Variants in FHIT observed in about 807,000 individuals in gnomAD.
FHIT encodes the protein bis(5'-adenosyl)-triphosphatase.
FHIT carries 19 observed loss-of-function variants against 17.9 expected under a neutral mutation model. The observed-to-expected ratio is 1.06, with a 90% confidence interval of 0.74 to 1.56. The LOEUF is 1.56. FHIT is among the 40% of genes most tolerant of loss of function. The pLI is 0.00. For missense variants in FHIT, 248 were observed against 189.2 expected (o/e 1.31, Z -1.82); for synonymous variants, 81 against 69.7 (o/e 1.16, Z -0.81).
intron 2 of FHIT, among the ~76,000 whole-genome samples, chr3:61,116,345 G>T (rs141810236): frequency 3.9e-5 from 6 of 152,228 alleles, no homozygotes; most frequent in African/African-American, 1.4e-4. Context: ...AAGCAAAAAT[G>T]ATGTGCCACA....
chr3:59,971,803 T>C (rs1708197236), intron 7 of FHIT, among the ~76,000 whole-genome samples: 1 of 152,126 alleles, frequency 6.6e-6, no homozygotes, highest in Non-Finnish European at 1.5e-5. Context: ...GTCTATACTG[T>C]GGGCATTTCA....
intron 5 of FHIT, among the ~76,000 whole-genome samples, chr3:60,397,366 G>T (rs1363666531): frequency 1.3e-5 from 2 of 152,114 alleles, no homozygotes; most frequent in African/African-American, 4.8e-5. Flanking sequence ...GAAGAGATAG[G>T]AGGTTTGGGA....
chr3:60,271,217 T>C lies in FHIT; in HGVS notation c.104-257065A>G, dbSNP rs918928274. On this transcript the variant is annotated intron_variant, in intron 5 of 9. Transcript: ENST00000492590. ...GAGTTCAAGACCAGCCTGGTCAACA[T>C]GGTGAAACCCTGTCTCTCCAAAAAA... 3.3e-5 allele frequency among the ~76,000 whole-genome samples: 5 copies of C among 152,006 alleles called. No homozygotes were observed. The East Asian group carries it at 5.8e-4, about 18-fold the overall frequency.
chr3:59,929,151 T>C (rs1705828496), intron 7 of FHIT, among the ~76,000 whole-genome samples: 1 of 151,944 alleles, frequency 6.6e-6, no homozygotes, highest in South Asian at 2.1e-4. Context: ...ACAATAATGT[T>C]ACCATATGAC....
chr3:60,669,901 C>A lies in FHIT; in HGVS notation c.-17-132922G>T, dbSNP rs74498716. On this transcript the variant is annotated intron_variant, in intron 4 of 9. Transcript: ENST00000492590. ...AGGCAGGAAAACAATGGATGCCTGA[C>A]CTCCCATTTAACCATTGTAATCATG... Among the ~76,000 whole-genome samples, 106 of 152,334 alleles carry A rather than the reference C, an allele frequency of 7.0e-4. 2 individuals carry two copies. The East Asian group carries it at 0.016, about 23-fold the overall frequency.
intron 8 of FHIT, among the ~76,000 whole-genome samples, chr3:59,755,410 C>G (rs917869795): frequency 6.6e-6 from 1 of 152,170 alleles, no homozygotes; most frequent in African/African-American, 2.4e-5. Context: ...GTTCCATTTC[C>G]CTAAAGCAAC....
At chr3:60,303,949 A>G (rs1397881930) in intron 5 of FHIT, among the ~76,000 whole-genome samples, 1 of 152,134 alleles carries the variant, frequency 6.6e-6, no homozygotes, top group Non-Finnish European at 1.5e-5. Flanking sequence ...AGACACCCAC[A>G]ACATCATGAT....
intron 5 of FHIT, among the ~76,000 whole-genome samples, chr3:60,528,646 T>C (rs1332505654): frequency 6.6e-6 from 1 of 152,232 alleles, no homozygotes; most frequent in Non-Finnish European, 1.5e-5. Flanking sequence ...TGCTTGGTCT[T>C]AGGAATATAA....
rs367977878 is a variant in FHIT at position 60,139,314 on chromosome 3, A to G, written c.104-125162T>C. Among the ~76,000 whole-genome samples, 321 of 152,274 alleles carry G rather than the reference A, an allele frequency of 2.1e-3. 1 individual carries two copies. Among genetic ancestry groups the G allele is most frequent in the African/African-American group, 7.3e-3 (304 of 41,570 alleles). ...TTCCTAATTAAAGGGAGTGAGAACC[A>G]AAAAGGGGGCAAAGCCAAGTATATG... On this transcript the variant is annotated intron_variant, in intron 5 of 9. Transcript: ENST00000492590.
chr3:60,709,797 A>C (rs1162432295), intron 4 of FHIT, among the ~76,000 whole-genome samples: 1 of 152,208 alleles, frequency 6.6e-6, no homozygotes, highest in Non-Finnish European at 1.5e-5. Context: ...TAGAAGCTTG[A>C]ATTTTATCAC....
chr3:59,892,968 G>C (rs1437960875), intron 8 of FHIT, among the ~76,000 whole-genome samples: 2 of 152,132 alleles, frequency 1.3e-5, no homozygotes, highest in Non-Finnish European at 2.9e-5. Flanking sequence ...AGAATTTTAA[G>C]TGCCATATTT....
At chr3:60,008,438 C>T (rs1031467423) in intron 7 of FHIT, among the ~76,000 whole-genome samples, 20 of 152,060 alleles carry the variant, frequency 1.3e-4, no homozygotes, top group African/African-American at 2.2e-4. Flanking sequence ...AGCAAGGCCA[C>T]GCTTGTTCTT....
chr3:60,726,975 A>G (rs1034806628), intron 4 of FHIT, among the ~76,000 whole-genome samples: 12 of 152,212 alleles, frequency 7.9e-5, no homozygotes, highest in Non-Finnish European at 1.6e-4. Flanking sequence ...TGTCTTCAAT[A>G]TATTTATAAT....
chr3:60,310,695 C>T (rs1012555108), intron 5 of FHIT, among the ~76,000 whole-genome samples: 1 of 151,858 alleles, frequency 6.6e-6, no homozygotes, highest in Non-Finnish European at 1.5e-5. Flanking sequence ...CACAAGGACA[C>T]AGATTAGAGG....
intron 5 of FHIT, among the ~76,000 whole-genome samples, chr3:60,496,887 G>A (rs2034321970): frequency 6.6e-6 from 1 of 152,026 alleles, no homozygotes. Flanking sequence ...GCAGGACACA[G>A]TCAAGAAAAT....
At chr3:60,587,387 A>T (rs2037941616) in intron 4 of FHIT, among the ~76,000 whole-genome samples, 1 of 152,026 alleles carries the variant, frequency 6.6e-6, no homozygotes, top group African/African-American at 2.4e-5. Flanking sequence ...GCATTAGGAC[A>T]AATAGCTAAT....
rs78808565 is a variant in FHIT, at chr3:59,973,228, C to T, written c.279+38143G>A. Among the ~76,000 whole-genome samples the T allele has an allele frequency of 2.3e-3, 349 of 152,246 alleles. 4 individuals carry two copies. The highest frequency in any genetic ancestry group is 7.8e-3 in the African/African-American group (325 of 41,550). On this transcript the variant is annotated intron_variant, in intron 7 of 9. Coordinates refer to ENST00000492590, the MANE Select transcript of FHIT (RefSeq NM_002012.4). ...GTCTTCCATCCTAACCGTATAGTGA[C>T]GCTCTTGAAACACAATTCTGATTCC...
At chr3:60,384,139 G>C (rs371479847) in intron 5 of FHIT, among the ~76,000 whole-genome samples, 22 of 151,926 alleles carry the variant, frequency 1.4e-4, no homozygotes, top group African/African-American at 5.3e-4. Flanking sequence ...GTGGTGCTGC[G>C]TGCCTATAAT....
intron 5 of FHIT, among the ~76,000 whole-genome samples, chr3:60,122,239 A>G (rs1705292839): frequency 6.6e-6 from 1 of 152,206 alleles, no homozygotes; most frequent in African/African-American, 2.4e-5. Flanking sequence ...TATTAGTATA[A>G]TGTTTGTCAT....
Sources: gnomAD v4.1 joint callset for allele counts (sites outside exome capture counted in the v4.1 genomes callset) on GRCh38, gnomAD v4.1.1 for gene constraint, MANE v1.5 for transcripts, NCBI Gene and HGNC (gene_info 2026-07-23, HGNC 2026-07-21) for gene names.